AP1S3: variants seen among roughly 807,000 people sequenced by gnomAD.
The protein encoded by AP1S3 is AP-1 complex subunit sigma-3.
AP1S3 carries 10 observed loss-of-function variants against 20.9 expected under a neutral mutation model. The ratio of observed to expected loss-of-function variants is 0.48; its 90% CI spans 0.29 to 0.81. The LOEUF (loss-of-function observed/expected upper bound fraction) is 0.81. Ranked by LOEUF, AP1S3 falls within the 30% of genes least tolerant of loss-of-function variation. The pLI is 0.08. For synonymous variants in AP1S3, 41 were observed against 61.5 expected (o/e 0.67, Z 1.56); for missense variants, 154 against 183.8 (o/e 0.84, Z 0.94).
At chr2:223,801,279 C>T (rs989135595) in intron 1 of AP1S3, among the ~76,000 whole-genome samples, 5 of 152,150 alleles carry the variant, frequency 3.3e-5, no homozygotes, top group Non-Finnish European at 5.9e-5. Flanking sequence ...TGTTCCAGAT[C>T]GACGAGCTAG....
chr2:223,796,933 G>A (rs939913410), intron 1 of AP1S3, among the ~76,000 whole-genome samples: 3 of 151,856 alleles, frequency 2.0e-5, no homozygotes, highest in African/African-American at 7.3e-5. Flanking sequence ...CAAAGTGCTG[G>A]GATTACAGGC....
chr2:223,827,529 T>G (rs1452337181), intron 1 of AP1S3, among the ~76,000 whole-genome samples: 2 of 151,766 alleles, frequency 1.3e-5, no homozygotes, highest in Non-Finnish European at 2.9e-5. Context: ...ATTACAGGGG[T>G]TTGCCACCAC....
In AP1S3 at chr2:223,765,330, G is replaced by A. The variant is rs765472298; in HGVS notation, c.312C>T (p.Ile104=). The change falls in exon 4 of 5, where the codon ATC becomes ATT. Residue 104 remains isoleucine, a synonymous_variant. Coordinates refer to ENST00000396654, the MANE Select transcript of AP1S3 (RefSeq NM_001039569.2). ...YFGNVCELDI[I]FNFEKAYFIL... ...TGAAATAAGCCTTTTCAAAATTAAA[G>A]ATAATATCCAGCTCACAGACCTGGT... The A allele has an allele frequency of 1.6e-5, 26 of 1,613,014 alleles. No homozygotes were observed. The highest frequency in any genetic ancestry group is 1.9e-5 in the Non-Finnish European group (22 of 1,179,828).
chr2:223,788,815 T>C (rs933277721), intron 1 of AP1S3, among the ~76,000 whole-genome samples: 15 of 151,166 alleles, frequency 9.9e-5, no homozygotes, highest in African/African-American at 3.6e-4. Flanking sequence ...TGCAGATGCC[T>C]GCCACCCTCC....
chr2:223,820,434 G>A (rs1422821635), intron 1 of AP1S3, among the ~76,000 whole-genome samples: 3 of 151,572 alleles, frequency 2.0e-5, no homozygotes, highest in Non-Finnish European at 4.4e-5. Context: ...TCTGAGGCAC[G>A]GGGTGTGCCT....
At chr2:223,760,683 C>T (rs1400072614) in intron 4 of AP1S3, among the ~76,000 whole-genome samples, 1 of 150,090 alleles carries the variant, frequency 6.7e-6, no homozygotes, top group East Asian at 2.1e-4. Flanking sequence ...TACAAAGTTA[C>T]AAATACAAAA....
chr2:223,766,693 T>C (rs1690492597), intron 3 of AP1S3, among the ~76,000 whole-genome samples: 1 of 152,166 alleles, frequency 6.6e-6, no homozygotes, highest in African/African-American at 2.4e-5. Flanking sequence ...GACCCGGCAA[T>C]CCCATTACTG....
At chr2:223,775,776 C>T (rs1162157581) in intron 3 of AP1S3, 125 bp downstream of exon 3, 1 of 722,088 alleles carries the variant, frequency 1.4e-6, no homozygotes, top group Non-Finnish European at 2.3e-6. Context: ...CTAAGGTGAT[C>T]TTCGGTTCAA....
chr2:223,804,456 T>G (rs1244604964), intron 1 of AP1S3, among the ~76,000 whole-genome samples: 2 of 152,112 alleles, frequency 1.3e-5, no homozygotes, highest in African/African-American at 2.4e-5. Context: ...CCCAGCACCT[T>G]GGGAGGCTGA....
intron 1 of AP1S3, among the ~76,000 whole-genome samples, chr2:223,820,495 C>T (rs1335949414): frequency 6.6e-6 from 1 of 151,676 alleles, no homozygotes; most frequent in African/African-American, 2.4e-5. Flanking sequence ...TTAAACTTCA[C>T]TTTAATACTC....
chr2:223,821,631 C>T (rs147369382), intron 1 of AP1S3, among the ~76,000 whole-genome samples: 46 of 152,252 alleles, frequency 3.0e-4, no homozygotes, highest in African/African-American at 1.0e-3. Flanking sequence ...ATGCAAGATT[C>T]GTGAGCAATG....
At chr2:223,782,519 T>C (rs1047429464) in intron 1 of AP1S3, among the ~76,000 whole-genome samples, 1 of 152,150 alleles carries the variant, frequency 6.6e-6, no homozygotes, top group Non-Finnish European at 1.5e-5. Flanking sequence ...TTGCTGGGAT[T>C]AATAGTGGAT....
rs111733279 is a variant in AP1S3, at chr2:223,833,882, T to TTTTC, written c.3+3565_3+3566insGAAA. ...AACTTTTTGGATGCCTTTACACTCT[T>TTTTC]TTTATTTATTTATTTATTTATTTAT... On this transcript the variant is annotated intron_variant, in intron 1 of 4. Coordinates refer to ENST00000396654, the MANE Select transcript of AP1S3 (RefSeq NM_001039569.2). Among the ~76,000 whole-genome samples the TTTTC allele has an allele frequency of 7.5e-5, 11 of 145,940 alleles. No individual in the cohort carries two copies. In the Admixed American group the frequency reaches 7.5e-4, roughly 10 times the overall value.
At chr2:223,828,463 A>AT (rs1384793132) in intron 1 of AP1S3, among the ~76,000 whole-genome samples, 2 of 151,790 alleles carry the variant, frequency 1.3e-5, no homozygotes, top group African/African-American at 4.8e-5. Context: ...TGCCCAGCTA[A>AT]TTTTTTGTCA....
intron 1 of AP1S3, among the ~76,000 whole-genome samples, chr2:223,799,446 C>T (rs1691418039): frequency 6.6e-6 from 1 of 152,188 alleles, no homozygotes; most frequent in Non-Finnish European, 1.5e-5. Flanking sequence ...AGTGTTTAGG[C>T]CACCCAGCTC....
At chr2:223,790,046 G>T (rs541793528) in intron 1 of AP1S3, among the ~76,000 whole-genome samples, 5 of 152,158 alleles carry the variant, frequency 3.3e-5, no homozygotes, top group Non-Finnish European at 7.4e-5. Context: ...CGAAACTTCA[G>T]AACAACCAGG....
intron 1 of AP1S3, among the ~76,000 whole-genome samples, chr2:223,780,308 TAGAGAGAG>T (rs527550327): frequency 3.9e-3 from 242 of 61,708 alleles, no homozygotes; most frequent in South Asian, 7.0e-3. Flanking sequence ...TATATATATA[TAGAGAGAG>T]AGAGAGAGAG....
At chr2:223,826,722 C>T (rs898883478) in intron 1 of AP1S3, among the ~76,000 whole-genome samples, 2 of 152,054 alleles carry the variant, frequency 1.3e-5, no homozygotes, top group African/African-American at 2.4e-5. Context: ...GGCACAATCT[C>T]GGCTCACTGC....
chr2:223,789,566 G>A (rs1691161653), intron 1 of AP1S3, among the ~76,000 whole-genome samples: 1 of 151,810 alleles, frequency 6.6e-6, no homozygotes, highest in African/African-American at 2.4e-5. Context: ...AGTGCTGGGT[G>A]TGGTGACTCA....
Sources: allele counts gnomAD v4.1 joint callset (sites outside exome capture counted in the v4.1 genomes callset), GRCh38; gene constraint gnomAD v4.1.1; transcripts MANE v1.5; gene names NCBI Gene and HGNC (gene_info 2026-07-23, HGNC 2026-07-21).